CELSR3: variants seen among roughly 807,000 people sequenced by gnomAD.
CELSR3 encodes EGF-like protein 1.
A neutral mutation model predicts 270.0 loss-of-function variants in CELSR3; 73 were observed. That is an observed-to-expected ratio of 0.27 (90% confidence interval 0.22 to 0.33). The LOEUF is 0.33. Among genes scored for constraint, CELSR3 ranks in the 10% least tolerant of loss-of-function variants. The probability of loss-of-function intolerance (pLI) is 1.00; values close to 1 mark genes in which losing one functional copy is unlikely to be tolerated. For synonymous variants in CELSR3, 1,780 were observed against 1,905.4 expected (o/e 0.93, Z 1.71); for missense variants, 3,614 against 4,533.8 (o/e 0.80, Z 5.83).
In CELSR3 at chr3:48,640,156, C is replaced by T. The variant is rs775991275; in HGVS notation, c.9429G>A (p.Ala3143=). The T allele has an allele frequency of 3.0e-5, 48 of 1,612,428 alleles. No homozygotes were observed. In the Admixed American group the frequency reaches 6.2e-4, roughly 21 times the overall value. ...ACTCTCGAGGTGCCCCTAAGTCGAG[C>T]GCATCCCGTGACCCGAAGCGGCCAG... ...AMAGRFGSRD[A]LDLGAPREWL... Residue 3143 remains alanine, a synonymous_variant, in exon 34 of 35, where the codon GCG becomes GCA. Coordinates refer to ENST00000164024, the MANE Select transcript of CELSR3 (RefSeq NM_001407.3). The surrounding 1 kb of genome is among the most constrained non-coding windows in gnomAD (Gnocchi z 7.5).
At position 48,659,182 on chromosome 3, in the gene CELSR3, G is replaced by A; in HGVS notation, c.3453C>T (p.Ser1151=). 1.2e-6 allele frequency: 2 copies of A among 1,614,206 alleles called. No individual in the cohort carries two copies. The highest frequency in any genetic ancestry group is 1.7e-6 in the Non-Finnish European group (2 of 1,180,042). The change falls in exon 1 of 35, where the codon AGC becomes AGT. Residue 1151 remains serine, a synonymous_variant. Coordinates refer to ENST00000164024, the MANE Select transcript of CELSR3 (RefSeq NM_001407.3). The surrounding 1 kb of genome is among the most constrained non-coding windows in gnomAD (Gnocchi z 8.1). The part of the protein sequence containing the change: ...VVQATSAPLV[S]RATVHVRLVD... ...CCAGGCGGACGTGCACAGTGGCCCGGCTGACCAAAGGAGCAGATGTGGCCT... is the reference window on the plus strand; with the variant it reads ...CCAGGCGGACGTGCACAGTGGCCCGACTGACCAAAGGAGCAGATGTGGCCT...
rs1199078549 is a variant in CELSR3, at chr3:48,648,769, G to T, written c.6727C>A (p.His2243Asn). 1.9e-6 allele frequency: 3 copies of T among 1,612,932 alleles called. No homozygotes were observed. In the South Asian group the frequency reaches 3.3e-5, roughly 18 times the overall value. Residue 2243 changes from histidine (H) to asparagine (N), a missense_variant, in exon 18 of 35, where the codon CAT becomes AAT. His to Asn is a moderately conservative substitution (Grantham distance 68). Around this residue, in one of 7 missense-constraint regions of CELSR3, gnomAD observed 1,331 missense variants for 1,933.7 expected, o/e 0.69. Coordinates refer to ENST00000164024, the MANE Select transcript of CELSR3 (RefSeq NM_001407.3). ...LLAHLLAFESHQQGFGLTATQ... is the reference protein window; with the variant it reads ...LLAHLLAFESNQQGFGLTATQ... ...GCTGTCAGCCCGAAGCCCTGCTGATGGCTCTCGAAGGCCAGCAGGTGGGCC... is the reference window on the plus strand; with the variant it reads ...GCTGTCAGCCCGAAGCCCTGCTGATTGCTCTCGAAGGCCAGCAGGTGGGCC...
In CELSR3 at chr3:48,649,190, C is replaced by A; in HGVS notation, c.6498G>T (p.Glu2166Asp). ...GGTCGGGCTCCAGCCAACCCTGGGC[C>A]TCATCACACAGCCGCACAGCAGCAC... ...ALGAAVRLCD[E>D]AQGWLEPDLF... The change falls in exon 17 of 35, where the codon GAG becomes GAT. Residue 2166 changes from glutamate to aspartate, a missense_variant. Glu to Asp is a conservative substitution (Grantham distance 45). Transcript: ENST00000164024. 3.1e-6 allele frequency: 5 copies of A among 1,611,602 alleles called. No homozygotes were observed. Among genetic ancestry groups the A allele is most frequent in the Non-Finnish European group, 4.2e-6 (5 of 1,179,188 alleles).
Position 48,660,410 on chromosome 3 carries a change from A to T in CELSR3, c.2225T>A (p.Val742Asp). The T allele has an allele frequency of 6.2e-7, 1 of 1,614,086 alleles. No individual in the cohort carries two copies. The highest frequency in any genetic ancestry group is 8.5e-7 in the Non-Finnish European group (1 of 1,180,016). Residue 742 changes from valine to aspartate, a missense_variant, in exon 1 of 35, where the codon GTC becomes GAC. This residue lies in a region of CELSR3 where 215 missense variants were observed against 241.2 expected (regional missense o/e 0.89). Transcript: ENST00000164024. This position sits in a 1 kb window ranked among gnomAD's most constrained non-coding sequence, Gnocchi z 5.5. ...ATTAACGTCCAGCACAGTCACGGTG[A>T]CACTGGCTGAGGCAGAGAGTGGGGG... ...GSPPLSASAS[V>D]TVTVLDVNDN...
chr3:48,658,837 G>A lies in CELSR3; in HGVS notation c.3748+50C>T, dbSNP rs2077044284. 1.9e-6 allele frequency: 3 copies of A among 1,587,468 alleles called. No homozygotes were observed. The highest frequency in any genetic ancestry group is 2.6e-6 in the Non-Finnish European group (3 of 1,164,782). On this transcript the variant is annotated intron_variant, in intron 1 of 34. Coordinates refer to ENST00000164024, the MANE Select transcript of CELSR3 (RefSeq NM_001407.3). This position sits in a 1 kb window ranked among gnomAD's most constrained non-coding sequence, Gnocchi z 4.7. The stretch of plus-strand genomic sequence containing the variant: ...TGAGGTGCCCTGTGGAGTCCCTGAG[G>A]CCCAACAGGTTGGTGTCACTGGGTC...
rs374055694 is a variant in CELSR3, at chr3:48,657,357, G to T, written c.3749-9C>A. On this transcript the variant is annotated splice_polypyrimidine_tract_variant and intron_variant, in intron 1 of 34. Transcript: ENST00000164024. This position sits in a 1 kb window ranked among gnomAD's most constrained non-coding sequence, Gnocchi z 5.4. ...CACGCTGTGCAGGCCATCTGCAGGC[G>T]GGGGCAGGGGCAGTGGTCATCCTGG... is the stretch of plus-strand genomic sequence containing the variant. 1.3e-6 allele frequency: 2 copies of T among 1,574,458 alleles called. No homozygotes were observed. The highest frequency in any genetic ancestry group is 1.3e-5 in the African/African-American group (1 of 74,344).
chr3:48,648,251 C>A lies in CELSR3; in HGVS notation c.6973+15G>T. 2 of 1,574,844 alleles carry A rather than the reference C, an allele frequency of 1.3e-6. No individual in the cohort carries two copies. The highest frequency in any genetic ancestry group is 1.1e-5 in the South Asian group (1 of 90,108). On this transcript the variant is annotated intron_variant, in intron 19 of 34. Transcript: ENST00000164024. ...CCCCCCTGCTGTGCCCCGCCCTACC[C>A]CACCCACAACGCACTGATATTAGGC... is the stretch of plus-strand genomic sequence containing the variant.
chr3:48,641,159 A>G lies in CELSR3; in HGVS notation c.9025+165T>C, dbSNP rs967899461. On this transcript the variant is annotated intron_variant, in intron 33 of 34. Transcript: ENST00000164024. The surrounding 1 kb of genome is among the most constrained non-coding windows in gnomAD (Gnocchi z 4.8). Reference sequence around the variant, plus strand: ...GGACAGAGAATTCCCAGGTCAGGACAGGAGCAGTCCCTGAGGACCGTGAAG... The same window carrying G: ...GGACAGAGAATTCCCAGGTCAGGACGGGAGCAGTCCCTGAGGACCGTGAAG... The G allele has an allele frequency of 2.7e-5, 17 of 619,586 alleles. No individual in the cohort carries two copies. The African/African-American group carries it at 2.8e-4, about 10-fold the overall frequency. 38.4% of individuals were successfully genotyped at this position (619,586 alleles called of 1,614,324 possible).
rs2047145427 is a variant in CELSR3, at chr3:48,652,377, C to A, written c.5751+60G>T. 7.6e-7 allele frequency: 1 copy of A among 1,318,546 alleles called. No individual in the cohort carries two copies. Among genetic ancestry groups the A allele is most frequent in the East Asian group, 2.3e-5 (1 of 43,472 alleles). 81.7% of individuals were successfully genotyped at this position (1,318,546 alleles called of 1,614,324 possible). ...ATACTGCCTTTCAGGTCCCAAGGAG[C>A]CCCTGACTTCTGACCCCTGACCCTA... On this transcript the variant is annotated intron_variant, in intron 11 of 34. Coordinates refer to ENST00000164024, the MANE Select transcript of CELSR3 (RefSeq NM_001407.3). The surrounding 1 kb of genome is among the most constrained non-coding windows in gnomAD (Gnocchi z 4.3).
Position 48,660,144 on chromosome 3 carries a change from G to A in CELSR3, c.2491C>T (p.Leu831=), listed in dbSNP as rs750326733. The part of the protein sequence containing the change: ...YKQERYFKLV[L]TASDRALHDH... ...TGAAGGGCACGGTCAGATGCAGTTA[G>A]TACCAGCTTGAAGTAGCGTTCCTGC... is the stretch of plus-strand genomic sequence containing the variant. Residue 831 remains leucine, a synonymous_variant, in exon 1 of 35, where the codon CTA becomes TTA. Coordinates refer to ENST00000164024, the MANE Select transcript of CELSR3 (RefSeq NM_001407.3). This position sits in a 1 kb window ranked among gnomAD's most constrained non-coding sequence, Gnocchi z 5.5. The A allele has an allele frequency of 2.5e-6, 4 of 1,614,176 alleles. No homozygotes were observed. In the East Asian group the frequency reaches 8.9e-5, roughly 36 times the overall value.
Position 48,644,196 on chromosome 3 carries a change from C to A in CELSR3, c.8165+20G>T. On this transcript the variant is annotated intron_variant, in intron 27 of 34. Transcript: ENST00000164024. This position sits in a 1 kb window ranked among gnomAD's most constrained non-coding sequence, Gnocchi z 4.8. ...ACCTGCCATCCTGAGAAGCCCCCTT[C>A]CTCCAGCCAGCCAACTCACAGTGCA... The A allele has an allele frequency of 1.3e-6, 2 of 1,597,732 alleles. No individual in the cohort carries two copies. The highest frequency in any genetic ancestry group is 1.7e-6 in the Non-Finnish European group (2 of 1,167,310).
Position 48,641,842 on chromosome 3 carries a change from G to A in CELSR3, c.8824+9C>T, listed in dbSNP as rs200119182. 42 of 1,453,756 alleles carry A rather than the reference G, an allele frequency of 2.9e-5. No homozygotes were observed. The highest frequency in any genetic ancestry group is 2.9e-4 in the Admixed American group (10 of 34,740). The allele number at this position is 1,453,756 out of a possible 1,614,324, so 90.1% of individuals were successfully genotyped here. A position where few individuals can be genotyped will look rare whatever the true frequency, so the allele number is the denominator to read the frequency against. On this transcript the variant is annotated intron_variant, in intron 32 of 34. Transcript: ENST00000164024. This position sits in a 1 kb window ranked among gnomAD's most constrained non-coding sequence, Gnocchi z 4.8. ...TTGGTCACCCAAGGGGTCAGAGGGC[G>A]CCTGGCACCTTTGGGGTGGGTGAGG...
At position 48,648,728 on chromosome 3, in the gene CELSR3, G is replaced by A; in HGVS notation, c.6768C>T (p.His2256=). The A allele has an allele frequency of 6.2e-7, 1 of 1,611,384 alleles. No homozygotes were observed. Among genetic ancestry groups the A allele is most frequent in the Admixed American group, 1.7e-5 (1 of 59,998 alleles). Residue 2256 remains histidine, a synonymous_variant, in exon 18 of 35, where the codon CAC becomes CAT. Coordinates refer to ENST00000164024, the MANE Select transcript of CELSR3 (RefSeq NM_001407.3). ...GFGLTATQDA[H]FNENLLWAGS... ...TAGGGCACAGCCCCACCTCATTGAAGTGGGCATCCTGTGTGGCTGTCAGCC... is the reference window on the plus strand; with the variant it reads ...TAGGGCACAGCCCCACCTCATTGAAATGGGCATCCTGTGTGGCTGTCAGCC...
Position 48,650,779 on chromosome 3 carries a change from C to G in CELSR3, c.6370+113G>C. 2.4e-6 allele frequency: 3 copies of G among 1,253,952 alleles called. No homozygotes were observed. Among genetic ancestry groups the G allele is most frequent in the Non-Finnish European group, 3.3e-6 (3 of 906,548 alleles). 77.7% of individuals were successfully genotyped at this position (1,253,952 alleles called of 1,614,324 possible). A position where few individuals can be genotyped will look rare whatever the true frequency, so the allele number is the denominator to read the frequency against. ...GTAGGGTTCCCTGGGTGTAAGTGGT[C>G]TCCCTCAGGAGAAGCTTCCAGAGTC... is the stretch of plus-strand genomic sequence containing the variant. On this transcript the variant is annotated intron_variant, in intron 15 of 34. Transcript: ENST00000164024. This position sits in a 1 kb window ranked among gnomAD's most constrained non-coding sequence, Gnocchi z 5.1.
rs1435138658 is a variant in CELSR3 at position 48,648,327 on chromosome 3, T to C, written c.6912A>G (p.Thr2304=). The C allele has an allele frequency of 8.7e-6, 14 of 1,604,986 alleles. No individual in the cohort carries two copies. Among genetic ancestry groups the C allele is most frequent in the Non-Finnish European group, 1.1e-5 (13 of 1,177,368 alleles). ...LVRHLEEYAA[T]LARNMELTYL... is the part of the protein sequence containing the mutation. ...ATGTGAGTTCCATATTCCTTGCGAG[T>C]GTGGCTGCATACTCCTCCAGGTGCC... Residue 2304 remains threonine (T), a synonymous_variant, in exon 19 of 35, where the codon ACA becomes ACG. Transcript: ENST00000164024.
chr3:48,657,356 C>CG lies in CELSR3; in HGVS notation c.3749-9dup. The CG allele has an allele frequency of 6.3e-7, 1 of 1,577,456 alleles. No homozygotes were observed. The highest frequency in any genetic ancestry group is 8.6e-7 in the Non-Finnish European group (1 of 1,161,684). On this transcript the variant is annotated splice_polypyrimidine_tract_variant and intron_variant, in intron 1 of 34. Transcript: ENST00000164024. This position sits in a 1 kb window ranked among gnomAD's most constrained non-coding sequence, Gnocchi z 5.4. ...TCACGCTGTGCAGGCCATCTGCAGG[C>CG]GGGGGCAGGGGCAGTGGTCATCCTG...
chr3:48,651,829 C>A lies in CELSR3; in HGVS notation c.5923+48G>T, dbSNP rs761648805. 5.9e-5 allele frequency: 92 copies of A among 1,569,620 alleles called. No individual in the cohort carries two copies. Among genetic ancestry groups the A allele is most frequent in the Non-Finnish European group, 7.8e-5 (91 of 1,160,936 alleles). ...GGTTCCCCAGTCTTCATCATGGGCC[C>A]CTAACGCCTGCCCAGGTCACCCTTC... On this transcript the variant is annotated intron_variant, in intron 12 of 34. Coordinates refer to ENST00000164024, the MANE Select transcript of CELSR3 (RefSeq NM_001407.3). The surrounding 1 kb of genome is among the most constrained non-coding windows in gnomAD (Gnocchi z 7.4).
At position 48,644,260 on chromosome 3, in the gene CELSR3, T is replaced by C; in HGVS notation, c.8121A>G (p.Thr2707=). 2 of 1,613,106 alleles carry C rather than the reference T, an allele frequency of 1.2e-6. No individual in the cohort carries two copies. The highest frequency in any genetic ancestry group is 1.7e-6 in the Non-Finnish European group (2 of 1,179,928). Residue 2707 remains threonine (T), a synonymous_variant, in exon 27 of 35, where the codon ACA becomes ACG. Coordinates refer to ENST00000164024, the MANE Select transcript of CELSR3 (RefSeq NM_001407.3). This position sits in a 1 kb window ranked among gnomAD's most constrained non-coding sequence, Gnocchi z 4.8. ...NGTMFLLAAR[T]SCSTGQREAK... is the part of the protein sequence containing the mutation. ...CCTCCCTCTGCCCTGTGGAGCAGGATGTGCGGGCAGCGAGGAGAAACATGG... is the reference window on the plus strand; with the variant it reads ...CCTCCCTCTGCCCTGTGGAGCAGGACGTGCGGGCAGCGAGGAGAAACATGG...
Position 48,640,792 on chromosome 3 carries a change from C to A in CELSR3, c.9026-233G>T. The A allele has an allele frequency of 7.9e-6, 3 of 380,892 alleles. No homozygotes were observed. The highest frequency in any genetic ancestry group is 1.0e-4 in the East Asian group (2 of 19,914). 23.6% of individuals were successfully genotyped at this position (380,892 alleles called of 1,614,324 possible). A position where few individuals can be genotyped will look rare whatever the true frequency, so the allele number is the denominator to read the frequency against. On this transcript the variant is annotated intron_variant, in intron 33 of 34. Transcript: ENST00000164024. The surrounding 1 kb of genome is among the most constrained non-coding windows in gnomAD (Gnocchi z 7.5). ...TTGTGGTCCCGGGGCAGGGGGAGGG[C>A]GGGCAGGTCTCATGGTGCAGGGGAT...
Sources: gnomAD v4.1 joint callset for allele counts on GRCh38, gnomAD v4.1.1 for gene constraint, gnomAD v4.1.1 regional missense constraint, Gnocchi (gnomAD v3.1) non-coding constraint, MANE v1.5 for transcripts, NCBI Gene and HGNC (gene_info 2026-07-23, HGNC 2026-07-21) for gene names.